The following CTNNA1 variants were observed in gnomAD, a reference collection of about 807,000 sequenced individuals.
CTNNA1 encodes the protein catenin alpha 1.
In CTNNA1, 37 loss-of-function variants were observed where a neutral mutation model predicts 98.4. That is an observed-to-expected ratio of 0.38 (90% CI 0.29 to 0.49). The LOEUF (loss-of-function observed/expected upper bound fraction) is 0.49, where lower values mean the gene tolerates loss of function less well. Ranked by LOEUF, CTNNA1 falls within the 20% of genes least tolerant of loss-of-function variation. The probability of loss-of-function intolerance (pLI) is 0.95; values close to 1 mark genes in which losing one functional copy is unlikely to be tolerated. For synonymous variants in CTNNA1, 404 were observed against 413.2 expected, an observed-to-expected ratio of 0.98 and a Z score of 0.27; for missense variants, 761 against 1,147.2, an observed-to-expected ratio of 0.66 and a Z score of 4.86.
intron 1 of CTNNA1, among the ~76,000 whole-genome samples, 154 bp from the exon 2 acceptor site, chr5:138,781,769 T>A (rs562148957): frequency 1.3e-5 from 2 of 152,300 alleles, no homozygotes; most frequent in East Asian, 3.9e-4. Context: ...GTTGTAAGGT[T>A]TACTGGGTCT....
At chr5:138,908,568 A>AGCAGGAGGATCGCTTGAGC (rs1554106609) in intron 10 of CTNNA1, among the ~76,000 whole-genome samples, 5 of 149,172 alleles carry the variant, frequency 3.4e-5, no homozygotes, top group African/African-American at 1.3e-4. Context: ...AGGAGGCTGA[A>AGCAGGAGGATCGCTTGAGC]GCAGGAGGAT....
intron 9 of CTNNA1, among the ~76,000 whole-genome samples, chr5:138,891,396 CT>C (rs5871684): frequency 1.6e-4 from 24 of 149,562 alleles, no homozygotes; most frequent in Non-Finnish European, 8.9e-5. Context: ...TTACAACCTC[CT>C]TTTTTTTTTG....
At chr5:138,865,983 C>A (rs953274905) in intron 7 of CTNNA1, among the ~76,000 whole-genome samples, 1 of 152,058 alleles carries the variant, frequency 6.6e-6, no homozygotes, top group Non-Finnish European at 1.5e-5. Context: ...AATTTTTTGG[C>A]CCTCACGATG....
intron 1 of CTNNA1, among the ~76,000 whole-genome samples, chr5:138,774,773 C>G (rs1456815906): frequency 6.6e-6 from 1 of 152,140 alleles, no homozygotes; most frequent in African/African-American, 2.4e-5. Flanking sequence ...AGGCGCCCAC[C>G]ACCGCACCCA....
chr5:138,930,955 G>A lies in CTNNA1; in HGVS notation c.2298+20G>A, dbSNP rs761965288. The A allele has an allele frequency of 1.9e-6, 3 of 1,554,352 alleles. No homozygotes were observed. The East Asian group carries it at 6.7e-5, about 35-fold the overall frequency. ...GACCATGTAAGTGACAGACTTGCCA[G>A]GTGGGTCTCCAAGCTCCTCCTGGGG... is the stretch of plus-strand genomic sequence containing the variant. On this transcript the variant is annotated intron_variant, in intron 16 of 17. Coordinates refer to ENST00000302763, the MANE Select transcript of CTNNA1 (RefSeq NM_001903.5).
chr5:138,791,110 GT>G (rs936074344), intron 3 of CTNNA1: 4 of 152,134 alleles, frequency 2.6e-5, no homozygotes, highest in Non-Finnish European at 2.9e-5. Context: ...TTGGCTTACA[GT>G]TTTTTCCCCT....
chr5:138,848,572 A>G (rs1291105371), intron 7 of CTNNA1, among the ~76,000 whole-genome samples: 2 of 152,290 alleles, frequency 1.3e-5, no homozygotes, highest in African/African-American at 2.4e-5. Flanking sequence ...GTATTCTGAT[A>G]ATAATGTCTA....
In CTNNA1 at chr5:138,812,309, T is replaced by C; in HGVS notation, c.588+7T>C. The C allele has an allele frequency of 6.2e-7, 1 of 1,608,502 alleles. No homozygotes were observed. The highest frequency in any genetic ancestry group is 8.5e-7 in the Non-Finnish European group (1 of 1,178,656). Reference sequence around the variant, plus strand: ...GGCAGCCAAAAGACAACAGGTACAGTCATGATTTGGGGATATATTAAAGTT... The same window carrying C: ...GGCAGCCAAAAGACAACAGGTACAGCCATGATTTGGGGATATATTAAAGTT... On this transcript the variant is annotated splice_region_variant and intron_variant, in intron 5 of 17. Transcript: ENST00000302763.
intron 17 of CTNNA1, chr5:138,933,095 C>G: frequency 5.9e-6 from 4 of 673,178 alleles, no homozygotes; most frequent in Non-Finnish European, 1.1e-5. Flanking sequence ...GATGGCACCA[C>G]TGCACTCCCG....
At chr5:138,764,823 A>G (rs905330860) in intron 1 of CTNNA1, among the ~76,000 whole-genome samples, 2 of 142,576 alleles carry the variant, frequency 1.4e-5, no homozygotes, top group Non-Finnish European at 3.0e-5. Flanking sequence ...GATGTTTTCT[A>G]GTTGCTTTGA....
chr5:138,926,014 A>G (rs1349948630), intron 13 of CTNNA1, among the ~76,000 whole-genome samples: 1 of 152,194 alleles, frequency 6.6e-6, no homozygotes, highest in Non-Finnish European at 1.5e-5. Flanking sequence ...TCCTGTCTTC[A>G]TTCAAGAATC....
chr5:138,822,501 A>G (rs971949751), intron 5 of CTNNA1, among the ~76,000 whole-genome samples: 32 of 152,196 alleles, frequency 2.1e-4, no homozygotes, highest in Non-Finnish European at 3.5e-4. Flanking sequence ...ACGGTAGACA[A>G]TTTAAGTACT....
chr5:138,848,321 A>G (rs1203592451), intron 7 of CTNNA1, among the ~76,000 whole-genome samples: 1 of 152,260 alleles, frequency 6.6e-6, no homozygotes, highest in Admixed American at 6.5e-5. Context: ...ACTGCTGTTA[A>G]TACTAGTGTT....
At chr5:138,813,700 C>T (rs1220433143) in intron 5 of CTNNA1, among the ~76,000 whole-genome samples, 1 of 152,132 alleles carries the variant, frequency 6.6e-6, no homozygotes, top group Non-Finnish European at 1.5e-5. Context: ...ATCATGTAAC[C>T]TCGATTTCCC....
intron 14 of CTNNA1, 110 bp downstream of exon 14, chr5:138,929,466 C>G (rs757216244): frequency 1.6e-5 from 10 of 633,184 alleles, no homozygotes; most frequent in African/African-American, 3.7e-5. Context: ...TTCTCTCTCT[C>G]TGTCTCTCTG....
At chr5:138,886,162 A>C (rs1485916719) in intron 7 of CTNNA1, 50 bp from the exon 8 acceptor site, 2 of 1,586,978 alleles carry the variant, frequency 1.3e-6, no homozygotes, top group Non-Finnish European at 1.7e-6. Context: ...GGCTATCATT[A>C]GGTTTCTTTG....
At chr5:138,843,394 G>C (rs1762431135) in intron 7 of CTNNA1, among the ~76,000 whole-genome samples, 1 of 152,118 alleles carries the variant, frequency 6.6e-6, no homozygotes, top group Non-Finnish European at 1.5e-5. Flanking sequence ...AGATGTCTGA[G>C]AGCACAGTCC....
chr5:138,874,391 T>C lies in CTNNA1; in HGVS notation c.1063-11821T>C. 6.2e-7 allele frequency: 1 copy of C among 1,613,996 alleles called. No individual in the cohort carries two copies. Among genetic ancestry groups the C allele is most frequent in the Non-Finnish European group, 8.5e-7 (1 of 1,179,890 alleles). On this transcript the variant is annotated intron_variant, in intron 7 of 17. Transcript: ENST00000302763. The surrounding 1 kb of genome is among the most constrained non-coding windows in gnomAD (Gnocchi z 4.1). ...GCCCAGAGAGCCCTTGTCTGTGGCG[T>C]TTGGCACTGAGTGGAAGCCCTGAGA... is the stretch of plus-strand genomic sequence containing the variant.
intron 3 of CTNNA1, among the ~76,000 whole-genome samples, chr5:138,789,741 C>T (rs1756146632): frequency 1.3e-5 from 2 of 152,196 alleles, no homozygotes; most frequent in Middle Eastern, 3.4e-3. Context: ...CAGGCGTGAG[C>T]CACCGCACCC....
Sources: allele counts gnomAD v4.1 joint callset (sites outside exome capture counted in the v4.1 genomes callset), GRCh38; gene constraint gnomAD v4.1.1; non-coding constraint Gnocchi (gnomAD v3.1); transcripts MANE v1.5; gene names NCBI Gene and HGNC (gene_info 2026-07-23, HGNC 2026-07-21).